The following KIAA1217 variants were observed in gnomAD, a reference collection of about 807,000 sequenced individuals.
The protein encoded by KIAA1217 is sickle tail protein homolog.
Under a neutral mutation model 163.9 loss-of-function variants are expected in KIAA1217, and 88 were observed. The ratio of observed to expected loss-of-function variants is 0.54; its 90% confidence interval spans 0.45 to 0.64. KIAA1217 has a LOEUF of 0.64. Among genes scored for constraint, KIAA1217 ranks in the 30% least tolerant of loss-of-function variants. The probability of loss-of-function intolerance (pLI) is 0.00; values close to 1 mark genes in which losing one functional copy is unlikely to be tolerated. For missense variants in KIAA1217, 2,372 were observed against 2,475.0 expected (o/e 0.96, Z 0.88); for synonymous variants, 903 against 923.1 (o/e 0.98, Z 0.39).
chr10:24,143,830 A>G (rs2064189677), intron 2 of KIAA1217, among the ~76,000 whole-genome samples: 1 of 151,460 alleles, frequency 6.6e-6, no homozygotes, highest in Admixed American at 6.6e-5. Flanking sequence ...AAAAAAAAAC[A>G]AAAACAAAAA....
At position 24,065,620 on chromosome 10, in the gene KIAA1217, T is replaced by A. The variant is rs557249366; in HGVS notation, c.-171+58246T>A. Among the ~76,000 whole-genome samples, 237 of 152,322 alleles carry A rather than the reference T, an allele frequency of 1.6e-3. 1 individual carries two copies. The highest frequency in any genetic ancestry group is 5.4e-3 in the African/African-American group (225 of 41,572). Reference sequence around the variant, plus strand: ...GTGCTGACAAGAATGTATATTCTGTTGATGTGGGGTGGAGAGTTCTGTAGA... The same window carrying A: ...GTGCTGACAAGAATGTATATTCTGTAGATGTGGGGTGGAGAGTTCTGTAGA... On this transcript the variant is annotated intron_variant, in intron 2 of 18. Coordinates refer to the KIAA1217 transcript ENST00000376462.
At chr10:23,880,006 T>G (rs1270496418) in intron 1 of KIAA1217, among the ~76,000 whole-genome samples, 3 of 151,848 alleles carry the variant, frequency 2.0e-5, no homozygotes, top group Non-Finnish European at 4.4e-5. Flanking sequence ...TGGTGGTGGG[T>G]GCTGGAGGAC....
chr10:23,981,092 G>A (rs929154572), intron 1 of KIAA1217, among the ~76,000 whole-genome samples: 2 of 152,132 alleles, frequency 1.3e-5, no homozygotes, highest in Non-Finnish European at 2.9e-5. Context: ...TTTAGTTAAG[G>A]CATCATTGGA....
At chr10:23,721,530 A>G (rs1837873361) in intron 1 of KIAA1217, among the ~76,000 whole-genome samples, 1 of 151,976 alleles carries the variant, frequency 6.6e-6, no homozygotes, top group Non-Finnish European at 1.5e-5. Context: ...TGCTGGTGGT[A>G]TTCCTTTTCA....
intron 2 of KIAA1217, among the ~76,000 whole-genome samples, chr10:24,129,848 A>C (rs1265868624): frequency 6.6e-6 from 1 of 151,552 alleles, no homozygotes; most frequent in Non-Finnish European, 1.5e-5. Context: ...CCATTGACTT[A>C]TTATTATTTT....
At chr10:24,536,507 G>A (rs2074034118) in intron 16 of KIAA1217, among the ~76,000 whole-genome samples, 1 of 152,146 alleles carries the variant, frequency 6.6e-6, no homozygotes, top group South Asian at 2.1e-4. Flanking sequence ...GTTCACCCCA[G>A]ACAGGCAGAA....
intron 2 of KIAA1217, among the ~76,000 whole-genome samples, chr10:24,065,510 G>A (rs1287391072): frequency 1.3e-5 from 2 of 152,202 alleles, no homozygotes; most frequent in Admixed American, 6.5e-5. Flanking sequence ...CTGAGAGACA[G>A]TTTGTTATAA....
Position 24,470,018 on chromosome 10 carries a change from A to T in KIAA1217, c.847-3210A>T, listed in dbSNP as rs149680117. Among the ~76,000 whole-genome samples the T allele has an allele frequency of 6.7e-3, 1,015 of 152,326 alleles. 14 individuals carry two copies. The highest frequency in any genetic ancestry group is 0.023 in the African/African-American group (975 of 41,572). On this transcript the variant is annotated intron_variant, in intron 5 of 20. Coordinates refer to ENST00000376454, the MANE Select transcript of KIAA1217 (RefSeq NM_019590.5). ...CTTGGACACTGTGTAATGCTTTATAAACAGTGGCATATTTGAGTCGATGTG... is the reference window on the plus strand; with the variant it reads ...CTTGGACACTGTGTAATGCTTTATATACAGTGGCATATTTGAGTCGATGTG...
At chr10:24,331,579 T>C (rs2045675936) in intron 2 of KIAA1217, among the ~76,000 whole-genome samples, 1 of 152,176 alleles carries the variant, frequency 6.6e-6, no homozygotes, top group Non-Finnish European at 1.5e-5. Context: ...GAACAAAGCG[T>C]GGCTTGAATA....
rs933808754 is a variant in KIAA1217 at position 23,888,181 on chromosome 10, T to A, written c.-320-119044T>A. Among the ~76,000 whole-genome samples, 5 of 151,962 alleles carry A rather than the reference T, an allele frequency of 3.3e-5. 1 individual carries two copies. Among genetic ancestry groups the A allele is most frequent in the African/African-American group, 1.2e-4 (5 of 41,420 alleles). ...AGGCCATGTGCAGAGAACAGCTTAC[T>A]AAACTACCTCTGTGACTCATTTTAC... On this transcript the variant is annotated intron_variant, in intron 1 of 18. Coordinates refer to the KIAA1217 transcript ENST00000376462.
intron 1 of KIAA1217, among the ~76,000 whole-genome samples, chr10:23,933,780 T>TA (rs908624824): frequency 7.3e-5 from 11 of 151,380 alleles, no homozygotes; most frequent in South Asian, 6.3e-4. Context: ...AACAAACATA[T>TA]AAAAAAAAGC....
At chr10:23,891,150 C>T (rs945371503) in intron 1 of KIAA1217, among the ~76,000 whole-genome samples, 3 of 152,120 alleles carry the variant, frequency 2.0e-5, no homozygotes, top group Middle Eastern at 3.4e-3. Context: ...CTAGTTTATA[C>T]AGTACATTAC....
At chr10:23,910,990 C>G (rs2131268860) in intron 1 of KIAA1217, among the ~76,000 whole-genome samples, 1 of 152,254 alleles carries the variant, frequency 6.6e-6, no homozygotes, top group Non-Finnish European at 1.5e-5. Flanking sequence ...GACTGCCTAT[C>G]CCCCATCTCT....
chr10:24,474,539 A>C (rs990248030), intron 6 of KIAA1217, among the ~76,000 whole-genome samples: 2 of 152,196 alleles, frequency 1.3e-5, no homozygotes, highest in African/African-American at 4.8e-5. Context: ...GGTTGTGGGA[A>C]GTGGAAATAA....
chr10:23,889,630 G>A (rs967330338), intron 1 of KIAA1217, among the ~76,000 whole-genome samples: 1 of 151,780 alleles, frequency 6.6e-6, no homozygotes, highest in Non-Finnish European at 1.5e-5. Flanking sequence ...AAAGACTAAT[G>A]GTTTGCATTG....
intron 1 of KIAA1217, among the ~76,000 whole-genome samples, chr10:23,857,544 A>G (rs560965774): frequency 2.6e-5 from 4 of 152,300 alleles, no homozygotes; most frequent in Admixed American, 6.5e-5. Context: ...GCCTGTCTCT[A>G]TATCACAATC....
At chr10:24,512,235 G>T (rs1168474176) in intron 9 of KIAA1217, among the ~76,000 whole-genome samples, 1 of 152,098 alleles carries the variant, frequency 6.6e-6, no homozygotes, top group African/African-American at 2.4e-5. Context: ...ATGGACAGTT[G>T]ACAAAGACAT....
intron 2 of KIAA1217, among the ~76,000 whole-genome samples, chr10:24,094,161 T>C (rs1265149691): frequency 2.6e-5 from 4 of 152,154 alleles, no homozygotes; most frequent in Non-Finnish European, 4.4e-5. Context: ...TTTCGGTATA[T>C]ACCTAGTAAT....
intron 2 of KIAA1217, among the ~76,000 whole-genome samples, chr10:24,340,854 A>G (rs1373335048): frequency 6.6e-6 from 1 of 152,206 alleles, no homozygotes. Context: ...CTTGGAAATT[A>G]TTTTCAAGTG....
Sources: gnomAD v4.1 joint callset for allele counts (sites outside exome capture counted in the v4.1 genomes callset) on GRCh38, gnomAD v4.1.1 for gene constraint, MANE v1.5 for transcripts, NCBI Gene and HGNC (gene_info 2026-07-23, HGNC 2026-07-21) for gene names.